CNOT11: variants seen among roughly 807,000 people sequenced by gnomAD.
CNOT11 encodes the protein UPF0760 protein C2orf29.
Under a neutral mutation model 44.6 loss-of-function variants are expected in CNOT11, and 18 were observed. The observed-to-expected ratio is 0.40, with a 90% CI of 0.28 to 0.60. The LOEUF (loss-of-function observed/expected upper bound fraction) is 0.60, where lower values mean the gene tolerates loss of function less well. Ranked by LOEUF, CNOT11 falls within the 20% of genes least tolerant of loss-of-function variation. The pLI is 0.38. For missense variants in CNOT11, 513 were observed against 677.0 expected (o/e 0.76, Z 2.69); for synonymous variants, 291 against 270.9 (o/e 1.07, Z -0.73).
At chr2:101,255,048 T>C (rs1048816735) in intron 1 of CNOT11, among the ~76,000 whole-genome samples, 1 of 152,198 alleles carries the variant, frequency 6.6e-6, no homozygotes, top group Non-Finnish European at 1.5e-5. Context: ...TAGACCGCAT[T>C]ATACACACAG....
At position 101,270,196 on chromosome 2, in the gene CNOT11, G is replaced by A. The variant is rs567671192; in HGVS notation, c.*783G>A. The A allele has an allele frequency of 1.3e-5, 2 of 152,590 alleles. No homozygotes were observed. Among genetic ancestry groups the A allele is most frequent in the Non-Finnish European group, 2.9e-5 (2 of 68,040 alleles). 9.5% of individuals were successfully genotyped at this position (152,590 alleles called of 1,614,324 possible). A position where few individuals can be genotyped will look rare whatever the true frequency, so the allele number is the denominator to read the frequency against. ...TTTCCTGTGGGGTCTGCACCCTCCT[G>A]TCTGGGTGGTGGATGTGGGTTTGAG... On this transcript the variant is annotated 3_prime_UTR_variant, in exon 7 of 7. Transcript: ENST00000289382.
In CNOT11 at chr2:101,252,908, G is replaced by A. The variant is rs892067560; in HGVS notation, c.-57G>A. ...AGCGCGCTTTACGGCCGCGGGGACG[G>A]AGCGAGCCGGCGCCAGGGCCCCTCG... On this transcript the variant is annotated 5_prime_UTR_variant, in exon 1 of 7. Transcript: ENST00000289382. 3.7e-5 allele frequency: 51 copies of A among 1,379,198 alleles called. 1 individual carries two copies. The highest frequency in any genetic ancestry group is 4.1e-5 in the Non-Finnish European group (44 of 1,074,312). The allele number at this position is 1,379,198 out of a possible 1,614,324, so 85.4% of individuals were successfully genotyped here. A position where few individuals can be genotyped will look rare whatever the true frequency, so the allele number is the denominator to read the frequency against.
In CNOT11 at chr2:101,262,674, C is replaced by G. The variant is rs200307010; in HGVS notation, c.815C>G (p.Pro272Arg). ...SQITEALVSG[P>R]KPPIESHFRP... ...ATCACAGAAGCTTTAGTCAGCGGAC[C>G]AAAGCCACCTATTGAAAGTAGGTAC... Residue 272 changes from proline to arginine, a missense_variant, in exon 3 of 7, where the codon CCA becomes CGA. Physicochemically the swap from Pro to Arg is moderately radical, Grantham distance 103. Transcript: ENST00000289382. 1 of 1,613,844 alleles carries G rather than the reference C, an allele frequency of 6.2e-7. No individual in the cohort carries two copies. The highest frequency in any genetic ancestry group is 1.7e-5 in the Admixed American group (1 of 60,012).
Position 101,253,439 on chromosome 2 carries a change from G to C in CNOT11, c.475G>C (p.Ala159Pro). Reference sequence around the variant, plus strand: ...GCACCTGCTCAACCCCGCGCCGCCCGCCCGCGGCGGCCAGGAACCCGACCG... The same window carrying C: ...GCACCTGCTCAACCCCGCGCCGCCCCCCCGCGGCGGCCAGGAACCCGACCG... ...FAHLLNPAPP[A>P]RGGQEPDRPP... The change falls in exon 1 of 7, where the codon GCC becomes CCC. Residue 159 changes from alanine to proline, a missense_variant. Ala to Pro is a conservative substitution (Grantham distance 27). This residue lies in a region of CNOT11 where 259 missense variants were observed against 265.7 expected (regional missense o/e 0.97). Transcript: ENST00000289382. This position sits in a 1 kb window ranked among gnomAD's most constrained non-coding sequence, Gnocchi z 4.3. The C allele has an allele frequency of 1.3e-6, 2 of 1,523,642 alleles. No homozygotes were observed. The highest frequency in any genetic ancestry group is 1.7e-6 in the Non-Finnish European group (2 of 1,147,326). 94.4% of individuals were successfully genotyped at this position (1,523,642 alleles called of 1,614,324 possible).
At chr2:101,266,232 C>A (rs746965789) in intron 4 of CNOT11, among the ~76,000 whole-genome samples, 15 of 152,200 alleles carry the variant, frequency 9.9e-5, no homozygotes, top group Non-Finnish European at 1.8e-4. Flanking sequence ...ACTCCGCCCC[C>A]TTCTCAGGTA....
intron 1 of CNOT11, among the ~76,000 whole-genome samples, chr2:101,255,917 C>T (rs202008480): frequency 6.6e-6 from 1 of 152,114 alleles, no homozygotes; most frequent in East Asian, 1.9e-4. Context: ...GCAGGCAGAT[C>T]ACTTGAGGCC....
intron 2 of CNOT11, 63 bp from the exon 3 acceptor site, chr2:101,262,472 CAGTT>C: frequency 6.9e-7 from 1 of 1,443,194 alleles, no homozygotes; most frequent in South Asian, 1.2e-5. Flanking sequence ...TAGCTTGCCT[CAGTT>C]GGTAGCTTGT....
At chr2:101,256,948 C>T (rs552574231) in intron 1 of CNOT11, among the ~76,000 whole-genome samples, 111 of 151,824 alleles carry the variant, frequency 7.3e-4, no homozygotes, top group African/African-American at 2.6e-3. Flanking sequence ...ACTCGGGAGC[C>T]AGAGGCAGGA....
chr2:101,268,543 G>T (rs1682042832), intron 5 of CNOT11, among the ~76,000 whole-genome samples: 1 of 152,206 alleles, frequency 6.6e-6, no homozygotes, highest in Admixed American at 6.5e-5. Context: ...GCTCATGACA[G>T]TGTCCTTGGA....
At chr2:101,267,336 G>A (rs1036173958) in intron 5 of CNOT11, among the ~76,000 whole-genome samples, 6 of 151,886 alleles carry the variant, frequency 4.0e-5, no homozygotes, top group Non-Finnish European at 7.4e-5. Context: ...TTGGTCAGGC[G>A]GGTCTCGAAC....
At chr2:101,257,472 C>G (rs987266127) in intron 1 of CNOT11, among the ~76,000 whole-genome samples, 10 of 151,778 alleles carry the variant, frequency 6.6e-5, no homozygotes, top group Non-Finnish European at 1.5e-4. Context: ...AGAAGCACTC[C>G]TGGCCGATGT....
chr2:101,269,423 A>G lies in CNOT11; in HGVS notation c.*10A>G. The G allele has an allele frequency of 1.2e-6, 2 of 1,611,196 alleles. No homozygotes were observed. The highest frequency in any genetic ancestry group is 1.7e-6 in the Non-Finnish European group (2 of 1,177,516). On this transcript the variant is annotated 3_prime_UTR_variant, in exon 7 of 7. Transcript: ENST00000289382. The surrounding 1 kb of genome is among the most constrained non-coding windows in gnomAD (Gnocchi z 4.8). ...CAAAATGTCAAAATAATACCTCATC[A>G]GAACCATCCCATCCATTCACTGTTC...
chr2:101,267,826 C>G (rs1257204807), intron 5 of CNOT11, among the ~76,000 whole-genome samples: 1 of 152,176 alleles, frequency 6.6e-6, no homozygotes, highest in Non-Finnish European at 1.5e-5. Flanking sequence ...CCTGAGCTCC[C>G]TTTCACGTGG....
intron 5 of CNOT11, among the ~76,000 whole-genome samples, chr2:101,267,979 G>A (rs551244216): frequency 1.3e-4 from 20 of 152,300 alleles, no homozygotes; most frequent in African/African-American, 4.6e-4. Context: ...AAATCTATGT[G>A]AAATTGAACT....
At chr2:101,258,134 C>T (rs1038872208) in intron 2 of CNOT11, among the ~76,000 whole-genome samples, 179 bp downstream of exon 2, 3 of 152,122 alleles carry the variant, frequency 2.0e-5, no homozygotes, top group African/African-American at 7.2e-5. Context: ...TGGCTCACAC[C>T]TGTAATCCCA....
Position 101,261,877 on chromosome 2 carries a change from C to T in CNOT11, c.680-662C>T, listed in dbSNP as rs1397177378. ...TTTTTTTTTTTTTGAGATGGAGTCTCGCTCTGTCGCCCAGGCTGGAGTGCA... is the reference window on the plus strand; with the variant it reads ...TTTTTTTTTTTTTGAGATGGAGTCTTGCTCTGTCGCCCAGGCTGGAGTGCA... On this transcript the variant is annotated intron_variant, in intron 2 of 6. Coordinates refer to ENST00000289382, the MANE Select transcript of CNOT11 (RefSeq NM_017546.5). 7.2e-5 allele frequency among the ~76,000 whole-genome samples: 9 copies of T among 125,684 alleles called. No individual in the cohort carries two copies. In the East Asian group the frequency reaches 7.3e-4, roughly 10 times the overall value. The allele number at this position is 125,684 out of a possible 152,430, so 82.5% of individuals were successfully genotyped here.
At position 101,265,046 on chromosome 2, in the gene CNOT11, A is replaced by G; in HGVS notation, c.1034A>G (p.Gln345Arg). The G allele has an allele frequency of 6.3e-7, 1 of 1,575,086 alleles. No homozygotes were observed. Among genetic ancestry groups the G allele is most frequent in the Non-Finnish European group, 8.6e-7 (1 of 1,157,256 alleles). ...CCCTTATCCTCTCCCCAACAAACACAGGTGTGTATTGATTGTAAGCATTTT... is the reference window on the plus strand; with the variant it reads ...CCCTTATCCTCTCCCCAACAAACACGGGTGTGTATTGATTGTAAGCATTTT... ...KSPLSSPQQT[Q>R]LLGELEKDPK... Residue 345 changes from glutamine (Q) to arginine (R), a missense_variant and splice_region_variant, in exon 4 of 7, where the codon CAG becomes CGG. Gln to Arg is a conservative substitution (Grantham distance 43). Coordinates refer to ENST00000289382, the MANE Select transcript of CNOT11 (RefSeq NM_017546.5).
intron 2 of CNOT11, among the ~76,000 whole-genome samples, chr2:101,258,596 A>G (rs780665335): frequency 6.6e-5 from 10 of 152,020 alleles, no homozygotes; most frequent in East Asian, 3.9e-4. Context: ...TAAAATGTCA[A>G]TACTACCCAA....
chr2:101,268,756 A>G (rs748204139), intron 5 of CNOT11, among the ~76,000 whole-genome samples: 16 of 152,214 alleles, frequency 1.1e-4, no homozygotes, highest in Admixed American at 2.6e-4. Flanking sequence ...CTAAATTCCA[A>G]TAACAGACCA....
Sources: gnomAD v4.1 joint callset for allele counts (sites outside exome capture counted in the v4.1 genomes callset) on GRCh38, gnomAD v4.1.1 for gene constraint, gnomAD v4.1.1 regional missense constraint, Gnocchi (gnomAD v3.1) non-coding constraint, MANE v1.5 for transcripts, NCBI Gene and HGNC (gene_info 2026-07-23, HGNC 2026-07-21) for gene names.